The following CHD8 variants were observed in gnomAD, a reference collection of about 807,000 sequenced individuals.
The protein encoded by CHD8 is chromodomain helicase DNA binding protein 8.
A neutral mutation model predicts 279.2 loss-of-function variants in CHD8; 31 were observed. The ratio of observed to expected loss-of-function variants is 0.11; its 90% CI spans 0.08 to 0.15. CHD8 has a LOEUF of 0.15. Among genes scored for constraint, CHD8 ranks in the 10% least tolerant of loss-of-function variants. The pLI is 1.00. For synonymous variants in CHD8, 1,081 were observed against 1,139.6 expected, an observed-to-expected ratio of 0.95 and a Z score of 1.04; for missense variants, 2,146 against 3,230.5, an observed-to-expected ratio of 0.66 and a Z score of 8.14.
At chr14:21,394,518 G>T in intron 30 of CHD8, 33 bp from the exon 31 acceptor site, 1 of 1,284,422 alleles carries the variant, frequency 7.8e-7, no homozygotes, top group South Asian at 1.4e-5. Flanking sequence ...ACAATAATCA[G>T]AAGAACACAT....
At chr14:21,448,766 T>C (rs1007394009) in intron 1 of CHD8, among the ~76,000 whole-genome samples, 1 of 151,520 alleles carries the variant, frequency 6.6e-6, no homozygotes, top group Non-Finnish European at 1.5e-5. Flanking sequence ...GTTTTCATCA[T>C]GTTGGTCAGG....
In CHD8 at chr14:21,422,186, C is replaced by T. The variant is rs571512925; in HGVS notation, c.1716+3942G>A. Among the ~76,000 whole-genome samples the T allele has an allele frequency of 5.3e-5, 8 of 152,164 alleles. No homozygotes were observed. The East Asian group carries it at 1.5e-3, about 29-fold the overall frequency. ...TGAAACTCCATCTCTACTAAAAATA[C>T]AAAAATTAGCTGGGCATGGTGGCAC... On this transcript the variant is annotated intron_variant, in intron 5 of 37. Coordinates refer to ENST00000646647, the MANE Select transcript of CHD8 (RefSeq NM_001170629.2).
At chr14:21,422,039 T>C (rs1262274479) in intron 5 of CHD8, among the ~76,000 whole-genome samples, 2 of 152,092 alleles carry the variant, frequency 1.3e-5, no homozygotes, top group Non-Finnish European at 2.9e-5. Flanking sequence ...CCTCCAGAAC[T>C]ATAAGGAAAT....
chr14:21,453,795 A>G (rs1890312828), intron 1 of CHD8, among the ~76,000 whole-genome samples: 1 of 151,770 alleles, frequency 6.6e-6, no homozygotes, highest in South Asian at 2.1e-4. Context: ...GTCCTTTCAC[A>G]TATGAGAATA....
rs368319906 is a variant in CHD8 at position 21,403,239 on chromosome 14, G to A, written c.3519-27C>T. On this transcript the variant is annotated intron_variant, in intron 17 of 37. Transcript: ENST00000646647. The surrounding 1 kb of genome is among the most constrained non-coding windows in gnomAD (Gnocchi z 4.3). ...TGTATGGGAATCGCAGAAAAAAAAT[G>A]TAAGTGGCTAAGCAGAAGTGGAGAC... is the stretch of plus-strand genomic sequence containing the variant. The A allele has an allele frequency of 3.7e-6, 6 of 1,604,694 alleles. No individual in the cohort carries two copies. The African/African-American group carries it at 8.0e-5, about 21-fold the overall frequency.
intron 8 of CHD8, 128 bp from the exon 9 acceptor site, chr14:21,414,546 G>A: frequency 3.2e-6 from 2 of 620,618 alleles, no homozygotes; most frequent in East Asian, 2.7e-5. Context: ...CAGTCTCTTA[G>A]GTCAGTGCTT....
At position 21,402,983 on chromosome 14, in the gene CHD8, G is replaced by C. The variant is rs1007538580; in HGVS notation, c.3714+34C>G. On this transcript the variant is annotated intron_variant, in intron 18 of 37. Transcript: ENST00000646647. This position sits in a 1 kb window ranked among gnomAD's most constrained non-coding sequence, Gnocchi z 4.5. ...TCTTGTTGAAAAATCTCCCAAGTTA[G>C]GTAGTTAGTCCCTAAGACAATGAAT... The C allele has an allele frequency of 6.5e-7, 1 of 1,532,074 alleles. No homozygotes were observed. The highest frequency in any genetic ancestry group is 1.4e-5 in the African/African-American group (1 of 72,694). 94.9% of individuals were successfully genotyped at this position (1,532,074 alleles called of 1,614,324 possible). A position where few individuals can be genotyped will look rare whatever the true frequency, so the allele number is the denominator to read the frequency against.
intron 5 of CHD8, among the ~76,000 whole-genome samples, chr14:21,422,168 C>T (rs551424985): frequency 4.3e-4 from 65 of 152,230 alleles, no homozygotes; most frequent in African/African-American, 1.5e-3. Flanking sequence ...TGGTGAAACT[C>T]CATCTCTACT....
intron 5 of CHD8, among the ~76,000 whole-genome samples, chr14:21,423,223 T>TA (rs1332982901): frequency 2.6e-5 from 4 of 151,112 alleles, no homozygotes; most frequent in African/African-American, 7.3e-5. Context: ...TCTCAAAAAA[T>TA]AAAAAAAAGA....
chr14:21,434,018 T>C (rs896765601), intron 1 of CHD8, among the ~76,000 whole-genome samples: 9 of 149,666 alleles, frequency 6.0e-5, no homozygotes, highest in African/African-American at 2.2e-4. Flanking sequence ...AGGAGTAATA[T>C]AAAAACAACA....
intron 2 of CHD8, 186 bp from the exon 3 acceptor site, chr14:21,429,521 C>T (rs1218288870): frequency 1.4e-4 from 105 of 750,754 alleles, no homozygotes; most frequent in Admixed American, 4.0e-4. Context: ...GACAGGGTCT[C>T]GCTGTATTGC....
chr14:21,412,942 A>T lies in CHD8; in HGVS notation c.2197T>A (p.Ser733Thr). ...CCATTGTCCTTGTCAATACTGTGAGACTCATCCAATATCCTATCCACCTCT... is the reference window on the plus strand; with the variant it reads ...CCATTGTCCTTGTCAATACTGTGAGTCTCATCCAATATCCTATCCACCTCT... ...YVEVDRILDE[S>T]HSIDKDNGEP... Residue 733 changes from serine (S) to threonine (T), a missense_variant, in exon 10 of 38, where the codon TCT becomes ACT. Physicochemically the swap from Ser to Thr is moderately conservative, Grantham distance 58. Around this residue, in one of 26 missense-constraint regions of CHD8, gnomAD observed 211 missense variants for 464.7 expected, o/e 0.45. Transcript: ENST00000646647. 6.2e-7 allele frequency: 1 copy of T among 1,610,154 alleles called. No individual in the cohort carries two copies. Among genetic ancestry groups the T allele is most frequent in the Non-Finnish European group, 8.5e-7 (1 of 1,176,686 alleles).
intron 10 of CHD8, 49 bp downstream of exon 10, chr14:21,412,864 G>C: frequency 8.6e-7 from 1 of 1,160,104 alleles, no homozygotes; most frequent in Non-Finnish European, 1.3e-6. Flanking sequence ...AAACCCACCA[G>C]CAGAAATCTA....
At chr14:21,412,056 T>C (rs1042165399) in intron 10 of CHD8, among the ~76,000 whole-genome samples, 8 of 150,798 alleles carry the variant, frequency 5.3e-5, no homozygotes, top group African/African-American at 1.9e-4. Context: ...AGAGTGAAGA[T>C]GGTCTCAAAA....
chr14:21,400,714 A>C lies in CHD8; in HGVS notation c.4371-102T>G, dbSNP rs1484759327. On this transcript the variant is annotated intron_variant, in intron 22 of 37. Transcript: ENST00000646647. This position sits in a 1 kb window ranked among gnomAD's most constrained non-coding sequence, Gnocchi z 4.2. Reference sequence around the variant, plus strand: ...AGGTGTGAAACAAAGATCTTAAAAAACATGGTAACAGAATAAACAGAACAA... The same window carrying C: ...AGGTGTGAAACAAAGATCTTAAAAACCATGGTAACAGAATAAACAGAACAA... 2 of 1,299,564 alleles carry C rather than the reference A, an allele frequency of 1.5e-6. No individual in the cohort carries two copies. The highest frequency in any genetic ancestry group is 2.4e-5 in the East Asian group (1 of 41,006). The allele number at this position is 1,299,564 out of a possible 1,614,324, so 80.5% of individuals were successfully genotyped here. A position where few individuals can be genotyped will look rare whatever the true frequency, so the allele number is the denominator to read the frequency against.
intron 1 of CHD8, chr14:21,436,943 C>T (rs1381493483): frequency 7.8e-7 from 1 of 1,288,080 alleles, no homozygotes; most frequent in Admixed American, 2.3e-5. Context: ...GTCCATACAG[C>T]AGAGGCGGAA....
At chr14:21,393,316 G>C in intron 32 of CHD8, 62 bp from the exon 33 acceptor site, 2 of 1,588,428 alleles carry the variant, frequency 1.3e-6, no homozygotes, top group Non-Finnish European at 1.7e-6. Flanking sequence ...TATGGTAATG[G>C]TATTATATGG....
At chr14:21,436,795 G>A (rs1889796516) in intron 1 of CHD8, 3 of 418,058 alleles carry the variant, frequency 7.2e-6, no homozygotes, top group South Asian at 1.7e-5. Context: ...AAACTAGAGA[G>A]ATTCTGCACT....
chr14:21,408,233 T>G lies in CHD8; in HGVS notation c.2730+79A>C. The G allele has an allele frequency of 6.6e-7, 1 of 1,504,988 alleles. No individual in the cohort carries two copies. Among genetic ancestry groups the G allele is most frequent in the Non-Finnish European group, 9.0e-7 (1 of 1,116,140 alleles). 93.2% of individuals were successfully genotyped at this position (1,504,988 alleles called of 1,614,324 possible). A position where few individuals can be genotyped will look rare whatever the true frequency, so the allele number is the denominator to read the frequency against. Reference sequence around the variant, plus strand: ...GAAGACTTTCAATAAAAGTCTTCTATTCATATATAGCCCTTAAAATACCAG... The same window carrying G: ...GAAGACTTTCAATAAAAGTCTTCTAGTCATATATAGCCCTTAAAATACCAG... On this transcript the variant is annotated intron_variant, in intron 13 of 37. Coordinates refer to ENST00000646647, the MANE Select transcript of CHD8 (RefSeq NM_001170629.2). This position sits in a 1 kb window ranked among gnomAD's most constrained non-coding sequence, Gnocchi z 4.3.
Sources: allele counts gnomAD v4.1 joint callset (sites outside exome capture counted in the v4.1 genomes callset), GRCh38; gene constraint gnomAD v4.1.1; regional missense constraint gnomAD v4.1.1; non-coding constraint Gnocchi (gnomAD v3.1); transcripts MANE v1.5; gene names NCBI Gene and HGNC (gene_info 2026-07-23, HGNC 2026-07-21).